AP3S2: variants seen among roughly 807,000 people sequenced by gnomAD.
The protein encoded by AP3S2 is adaptor related protein complex 3 subunit sigma 2.
A neutral mutation model predicts 23.4 loss-of-function variants in AP3S2; 22 were observed. The ratio of observed to expected loss-of-function variants is 0.94; its 90% CI spans 0.67 to 1.34. AP3S2 has a LOEUF of 1.34. AP3S2 is among the 40% of genes most tolerant of loss of function. The probability of loss-of-function intolerance (pLI) is 0.00; values close to 1 mark genes in which losing one functional copy is unlikely to be tolerated. For missense variants in AP3S2, 241 were observed against 236.9 expected (o/e 1.02, Z -0.11); for synonymous variants, 86 against 87.1 (o/e 0.99, Z 0.07).
In AP3S2 at chr15:89,833,870, G is replaced by A. The variant is rs1229839822; in HGVS notation, c.*1645C>T. 6.6e-6 allele frequency: 1 copy of A among 152,286 alleles called. No homozygotes were observed. The highest frequency in any genetic ancestry group is 2.4e-5 in the African/African-American group (1 of 41,468). The allele number at this position is 152,286 out of a possible 1,614,324, so 9.4% of individuals were successfully genotyped here. A position where few individuals can be genotyped will look rare whatever the true frequency, so the allele number is the denominator to read the frequency against. The stretch of plus-strand genomic sequence containing the variant: ...AAACAAGGTGGCCCTGACACCGGGT[G>A]CTGCTGGGCACCCTCTCAGACCTGC... On this transcript the variant is annotated 3_prime_UTR_variant, in exon 6 of 6. Coordinates refer to ENST00000336418, the MANE Select transcript of AP3S2 (RefSeq NM_005829.5).
At chr15:89,882,803 C>G (rs1896603434) in intron 3 of AP3S2, among the ~76,000 whole-genome samples, 1 of 152,188 alleles carries the variant, frequency 6.6e-6, no homozygotes, top group African/African-American at 2.4e-5. Flanking sequence ...ACTAGTAAAG[C>G]AAATCTCCCA....
rs76602416 is a variant in AP3S2 at position 89,838,177 on chromosome 15, G to A, written c.346-455C>T. ...TATTAATATTACCATCATCAACACT[G>A]ACTGTCATTAAGTAGGTCCAGCTAT... On this transcript the variant is annotated intron_variant, in intron 4 of 5. Coordinates refer to ENST00000336418, the MANE Select transcript of AP3S2 (RefSeq NM_005829.5). The A allele has an allele frequency of 7.8e-3, 1,269 of 163,462 alleles. 16 individuals are homozygous for A. Among genetic ancestry groups the A allele is most frequent in the African/African-American group, 0.029 (1,214 of 41,730 alleles). The allele number at this position is 163,462 out of a possible 1,614,324, so 10.1% of individuals were successfully genotyped here.
chr15:89,876,957 A>T, intron 3 of AP3S2: 1 of 280,822 alleles, frequency 3.6e-6, no homozygotes, highest in East Asian at 9.8e-5. Context: ...GTACCTAGGG[A>T]TTATGACACA....
intron 1 of AP3S2, among the ~76,000 whole-genome samples, chr15:89,891,179 A>G (rs971422761): frequency 2.0e-5 from 3 of 152,316 alleles, no homozygotes; most frequent in Middle Eastern, 3.4e-3. Flanking sequence ...TAAACTACCA[A>G]TTGCTTACAT....
At chr15:89,852,327 T>C (rs756213855) in intron 4 of AP3S2, 1 of 152,244 alleles carries the variant, frequency 6.6e-6, no homozygotes, top group South Asian at 2.1e-4. Context: ...TGTTGGTTAA[T>C]TTGGTAGTTA....
At chr15:89,884,240 A>G (rs570268437) in intron 3 of AP3S2, among the ~76,000 whole-genome samples, 34 of 152,200 alleles carry the variant, frequency 2.2e-4, no homozygotes, top group Non-Finnish European at 3.7e-4. Context: ...TTATTATATT[A>G]GTTTTTCTTA....
rs117116969 is a variant in AP3S2, at chr15:89,879,365, G to A, written c.274-7819C>T. On this transcript the variant is annotated intron_variant, in intron 3 of 5. Transcript: ENST00000336418. ...TTCCAATTGAGAAATCTGTACTATG[G>A]GAATTAACATATGTGCATATAGATG... 1.4e-4 allele frequency among the ~76,000 whole-genome samples: 21 copies of A among 152,224 alleles called. No individual in the cohort carries two copies. The East Asian group carries it at 4.1e-3, about 29-fold the overall frequency.
chr15:89,858,459 GAAAGAAAGAA>G (rs1895896182), intron 4 of AP3S2, among the ~76,000 whole-genome samples: 1 of 119,450 alleles, frequency 8.4e-6, no homozygotes, highest in Non-Finnish European at 1.7e-5. Context: ...GAAAGAAAAA[GAAAGAAAGAA>G]AGAAAGAAAG....
chr15:89,873,400 T>C (rs1382181580), intron 3 of AP3S2, among the ~76,000 whole-genome samples: 1 of 151,812 alleles, frequency 6.6e-6, no homozygotes, highest in Non-Finnish European at 1.5e-5. Flanking sequence ...TTCTCCTGCC[T>C]CAGCCTCCTG....
At position 89,835,374 on chromosome 15, in the gene AP3S2, A is replaced by G. The variant is rs1895163080; in HGVS notation, c.*141T>C. The G allele has an allele frequency of 7.0e-7, 1 of 1,430,498 alleles. No homozygotes were observed. The highest frequency in any genetic ancestry group is 9.4e-7 in the Non-Finnish European group (1 of 1,061,156). 88.6% of individuals were successfully genotyped at this position (1,430,498 alleles called of 1,614,324 possible). A position where few individuals can be genotyped will look rare whatever the true frequency, so the allele number is the denominator to read the frequency against. ...GGAATCCCTTCCCTATTCCATGCCA[A>G]ACAGTCTTCCCCAGACACAAAGTTT... is the stretch of plus-strand genomic sequence containing the variant. On this transcript the variant is annotated 3_prime_UTR_variant, in exon 6 of 6. Coordinates refer to ENST00000336418, the MANE Select transcript of AP3S2 (RefSeq NM_005829.5).
intron 3 of AP3S2, among the ~76,000 whole-genome samples, chr15:89,877,878 A>G (rs1340203622): frequency 6.6e-6 from 1 of 152,232 alleles, no homozygotes; most frequent in Non-Finnish European, 1.5e-5. Flanking sequence ...TTATTGAAAA[A>G]TAAGATTTTT....
intron 1 of AP3S2, 108 bp downstream of exon 1, chr15:89,893,773 G>A (rs1896873544): frequency 3.6e-6 from 4 of 1,098,584 alleles, no homozygotes; most frequent in Non-Finnish European, 5.3e-6. Context: ...CTCGGTGCAG[G>A]AGCCCCAGGT....
rs535408341 is a variant in AP3S2, at chr15:89,872,375, T to G, written c.274-829A>C. 2.6e-5 allele frequency among the ~76,000 whole-genome samples: 4 copies of G among 151,950 alleles called. 1 individual carries two copies. The South Asian group carries it at 8.3e-4, about 32-fold the overall frequency. On this transcript the variant is annotated intron_variant, in intron 3 of 5. Transcript: ENST00000336418. Reference sequence around the variant, plus strand: ...TAATTGACGTGTTTACAACTTAAAATTTTTTTTTAAAAGCCCTGAGCTTAC... The same window carrying G: ...TAATTGACGTGTTTACAACTTAAAAGTTTTTTTTAAAAGCCCTGAGCTTAC...
chr15:89,859,615 G>A (rs371283853), intron 4 of AP3S2, among the ~76,000 whole-genome samples: 89 of 151,318 alleles, frequency 5.9e-4, no homozygotes, highest in Non-Finnish European at 1.1e-3. Flanking sequence ...GGCTGGTCTC[G>A]AACTCCTGAC....
Position 89,835,037 on chromosome 15 carries a change from C to T in AP3S2, c.*478G>A, listed in dbSNP as rs1344100367. 1 of 165,720 alleles carries T rather than the reference C, an allele frequency of 6.0e-6. No individual in the cohort carries two copies. Among genetic ancestry groups the T allele is most frequent in the South Asian group, 2.0e-4 (1 of 4,960 alleles). The allele number at this position is 165,720 out of a possible 1,614,324, so 10.3% of individuals were successfully genotyped here. A position where few individuals can be genotyped will look rare whatever the true frequency, so the allele number is the denominator to read the frequency against. On this transcript the variant is annotated 3_prime_UTR_variant, in exon 6 of 6. Transcript: ENST00000336418. ...CACCCCCAGATCTGAAGGGCCAGCCCTTTTCTACCTATGACACCTCACCAG... is the reference window on the plus strand; with the variant it reads ...CACCCCCAGATCTGAAGGGCCAGCCTTTTTCTACCTATGACACCTCACCAG...
chr15:89,883,922 A>G (rs979446818), intron 3 of AP3S2: 4 of 152,246 alleles, frequency 2.6e-5, no homozygotes, highest in African/African-American at 9.7e-5. Context: ...ATGATGCTCA[A>G]AGGAAATGCT....
chr15:89,876,911 C>A, intron 3 of AP3S2: 1 of 192,758 alleles, frequency 5.2e-6, no homozygotes. Context: ...AAATGGGAGC[C>A]CTGCAAGCAA....
chr15:89,867,906 G>C (rs1365418876), intron 4 of AP3S2, among the ~76,000 whole-genome samples: 1 of 128,850 alleles, frequency 7.8e-6, no homozygotes, highest in Non-Finnish European at 1.8e-5. Flanking sequence ...CAGCCACCCC[G>C]TCCGGGAGGG....
At chr15:89,865,724 T>C (rs1354754664) in intron 4 of AP3S2, 5 of 152,120 alleles carry the variant, frequency 3.3e-5, no homozygotes, top group Non-Finnish European at 7.4e-5. Flanking sequence ...TTCAAGAAAA[T>C]GTACAAAAAT....
Sources: allele counts gnomAD v4.1 joint callset (sites outside exome capture counted in the v4.1 genomes callset), GRCh38; gene constraint gnomAD v4.1.1; transcripts MANE v1.5; gene names NCBI Gene and HGNC (gene_info 2026-07-23, HGNC 2026-07-21).